The following H6PD variants were observed in gnomAD, a reference collection of about 807,000 sequenced individuals.
H6PD encodes hexose-6-phosphate dehydrogenase/glucose 1-dehydrogenase, also known as GDH/6PGL endoplasmic bifunctional protein.
A neutral mutation model predicts 61.2 loss-of-function variants in H6PD; 48 were observed. The observed-to-expected ratio is 0.78, with a 90% CI of 0.62 to 1.00. The LOEUF (loss-of-function observed/expected upper bound fraction) is 1.00, where lower values mean the gene tolerates loss of function less well. Ranked by LOEUF, H6PD falls within the 50% of genes least tolerant of loss-of-function variation. The pLI, the probability that H6PD is intolerant of heterozygous loss-of-function variation, is 0.00. For synonymous variants in H6PD, 480 were observed against 457.9 expected, an observed-to-expected ratio of 1.05 and a Z score of -0.62; for missense variants, 1,093 against 1,065.0, an observed-to-expected ratio of 1.03 and a Z score of -0.37.
intron 1 of H6PD, among the ~76,000 whole-genome samples, chr1:9,237,315 G>A (rs1033463086): frequency 3.0e-5 from 4 of 131,582 alleles, no homozygotes; most frequent in Admixed American, 9.6e-5. Context: ...TCACTGCAAC[G>A]TTCGCCTCCT....
intron 3 of H6PD, among the ~76,000 whole-genome samples, chr1:9,260,954 C>T (rs1471155155): frequency 6.6e-6 from 1 of 152,090 alleles, no homozygotes; most frequent in African/African-American, 2.4e-5. Context: ...ACTTCCAGGG[C>T]TCATGTTGGG....
chr1:9,249,055 G>A (rs1002071540), intron 3 of H6PD, among the ~76,000 whole-genome samples: 6 of 152,230 alleles, frequency 3.9e-5, no homozygotes, highest in South Asian at 4.1e-4. Context: ...CCAGCGGGCC[G>A]GCGCTTGCCC....
intron 3 of H6PD, among the ~76,000 whole-genome samples, chr1:9,252,930 T>C (rs1641412206): frequency 6.6e-6 from 1 of 152,210 alleles, no homozygotes; most frequent in South Asian, 2.1e-4. Flanking sequence ...TGCTTTTCTC[T>C]ATCCTTTTCA....
rs1638554223 is a variant in H6PD, at chr1:9,266,207, T to C, written c.*1338T>C. On this transcript the variant is annotated 3_prime_UTR_variant, in exon 5 of 5. Transcript: ENST00000377403. ...GGCAGGGGGGCTGCCCACAGCCTTT[T>C]CAGGGGCTCGCTTGGCGGGTGACGG... The C allele has an allele frequency of 6.6e-6, 1 of 152,340 alleles. No individual in the cohort carries two copies. Among genetic ancestry groups the C allele is most frequent in the Admixed American group, 6.5e-5 (1 of 15,290 alleles). The allele number at this position is 152,340 out of a possible 1,614,324, so 9.4% of individuals were successfully genotyped here.
At chr1:9,243,899 G>A (rs931134179) in intron 1 of H6PD, among the ~76,000 whole-genome samples, 4 of 152,014 alleles carry the variant, frequency 2.6e-5, no homozygotes, top group Non-Finnish European at 5.9e-5. Flanking sequence ...CTGACGTCAG[G>A]GTCAAGAGGC....
Position 9,263,741 on chromosome 1 carries a change from G to A in H6PD, c.1248G>A (p.Arg416=). The A allele has an allele frequency of 1.2e-6, 2 of 1,614,018 alleles. No individual in the cohort carries two copies. The highest frequency in any genetic ancestry group is 8.5e-7 in the Non-Finnish European group (1 of 1,180,008). ...GCAGCCCTGCCGTGCTGGTCAGCAG[G>A]AACCTGTTCAGGCCCTCCCTGCCCT... ...DLGSPAVLVS[R]NLFRPSLPSS... Residue 416 remains arginine, a synonymous_variant, in exon 5 of 5, where the codon AGG becomes AGA. Transcript: ENST00000377403.
chr1:9,256,347 G>A (rs1392606675), intron 3 of H6PD, among the ~76,000 whole-genome samples: 2 of 152,192 alleles, frequency 1.3e-5, no homozygotes, highest in East Asian at 3.8e-4. Context: ...TAGTATCCCT[G>A]GACAGAGCTG....
In H6PD at chr1:9,270,663, T is replaced by A. The variant is rs1638717671; in HGVS notation, c.*5794T>A. 1 of 152,348 alleles carries A rather than the reference T, an allele frequency of 6.6e-6. No homozygotes were observed. Among genetic ancestry groups the A allele is most frequent in the Admixed American group, 6.5e-5 (1 of 15,286 alleles). The allele number at this position is 152,348 out of a possible 1,614,324, so 9.4% of individuals were successfully genotyped here. A position where few individuals can be genotyped will look rare whatever the true frequency, so the allele number is the denominator to read the frequency against. ...CGGGCAGGTCAGAGTGGAGCAGTGC[T>A]AAGAGGCTGTTGCAGGAGAACTAGA... On this transcript the variant is annotated 3_prime_UTR_variant, in exon 5 of 5. Transcript: ENST00000377403.
At chr1:9,244,382 T>TC (rs1009051759) in intron 1 of H6PD, among the ~76,000 whole-genome samples, 2 of 152,098 alleles carry the variant, frequency 1.3e-5, no homozygotes, top group African/African-American at 4.8e-5. Flanking sequence ...TAGTCTGGAG[T>TC]CCATGTTTTC....
At position 9,265,733 on chromosome 1, in the gene H6PD, A is replaced by C. The variant is rs149017905; in HGVS notation, c.*864A>C. ...GGTCTCAAACTCCTGGGCTCAAGCG[A>C]TCCTCCCATCTCAGCCTCCCAGAGT... On this transcript the variant is annotated 3_prime_UTR_variant, in exon 5 of 5. Transcript: ENST00000377403. 0.03 allele frequency: 4,599 copies of C among 152,484 alleles called. 84 individuals are homozygous for C. The highest frequency in any genetic ancestry group is 0.053 in the Admixed American group (810 of 15,288). 9.4% of individuals were successfully genotyped at this position (152,484 alleles called of 1,614,324 possible).
intron 1 of H6PD, among the ~76,000 whole-genome samples, chr1:9,241,113 C>T (rs1640984787): frequency 6.6e-6 from 1 of 152,190 alleles, no homozygotes; most frequent in African/African-American, 2.4e-5. Flanking sequence ...TCTGTAGCCC[C>T]AGGAGAGGAG....
chr1:9,235,171 G>C (rs563603399), intron 1 of H6PD, 105 bp downstream of exon 1: 1 of 151,810 alleles, frequency 6.6e-6, no homozygotes, highest in Non-Finnish European at 1.5e-5. Context: ...TGCGCTGCCA[G>C]CCCCACGGAG....
chr1:9,249,553 G>A (rs1284179904), intron 3 of H6PD, among the ~76,000 whole-genome samples: 5 of 152,316 alleles, frequency 3.3e-5, no homozygotes, highest in Middle Eastern at 3.4e-3. Flanking sequence ...GGGCTCTAGG[G>A]GAGGGTCCGC....
At chr1:9,253,192 A>G in intron 3 of H6PD, among the ~76,000 whole-genome samples, 1 of 152,232 alleles carries the variant, frequency 6.6e-6, no homozygotes, top group East Asian at 1.9e-4. Context: ...GGCAAAGTCC[A>G]TAAATCTACA....
intron 1 of H6PD, among the ~76,000 whole-genome samples, chr1:9,238,027 C>T (rs912778908): frequency 2.6e-5 from 4 of 152,030 alleles, no homozygotes; most frequent in African/African-American, 7.3e-5. Context: ...TATTAGAAAG[C>T]GATGTACTGT....
At chr1:9,262,354 C>T (rs760930986) in intron 4 of H6PD, 26 bp downstream of exon 4, 2 of 1,583,142 alleles carry the variant, frequency 1.3e-6, no homozygotes, top group South Asian at 1.1e-5. Flanking sequence ...GGGCATGGGG[C>T]ACTGGGCTGC....
chr1:9,257,996 C>G (rs781536647), intron 3 of H6PD, among the ~76,000 whole-genome samples: 1 of 152,234 alleles, frequency 6.6e-6, no homozygotes, highest in Non-Finnish European at 1.5e-5. Context: ...GGGAGTGGAG[C>G]GGAGCTCGTG....
At chr1:9,243,287 T>C (rs959319649) in intron 1 of H6PD, among the ~76,000 whole-genome samples, 1 of 152,206 alleles carries the variant, frequency 6.6e-6, no homozygotes, top group African/African-American at 2.4e-5. Flanking sequence ...GGGCTGGTTC[T>C]GTGGGGACTT....
In H6PD at chr1:9,266,896, C is replaced by G. The variant is rs1638577753; in HGVS notation, c.*2027C>G. 6.6e-6 allele frequency: 1 copy of G among 152,002 alleles called. No homozygotes were observed. The highest frequency in any genetic ancestry group is 1.5e-5 in the Non-Finnish European group (1 of 68,066). The allele number at this position is 152,002 out of a possible 1,614,324, so 9.4% of individuals were successfully genotyped here. On this transcript the variant is annotated 3_prime_UTR_variant, in exon 5 of 5. Coordinates refer to ENST00000377403, the MANE Select transcript of H6PD (RefSeq NM_004285.4). Reference sequence around the variant, plus strand: ...AGCCCAGTGGCGAGATCTTGGCTCACTACAACCTCCACCTCCCGGGTTCAG... The same window carrying G: ...AGCCCAGTGGCGAGATCTTGGCTCAGTACAACCTCCACCTCCCGGGTTCAG...
Sources: allele counts gnomAD v4.1 joint callset (sites outside exome capture counted in the v4.1 genomes callset), GRCh38; gene constraint gnomAD v4.1.1; transcripts MANE v1.5; gene names NCBI Gene and HGNC (gene_info 2026-07-23, HGNC 2026-07-21).